The following CLYBL variants were observed in gnomAD, a reference collection of about 807,000 sequenced individuals.
The protein encoded by CLYBL is citramalyl-CoA lyase, mitochondrial.
Under a neutral mutation model 38.9 loss-of-function variants are expected in CLYBL, and 31 were observed. That is an observed-to-expected ratio of 0.80 (90% CI 0.60 to 1.08). CLYBL has a LOEUF of 1.08. Ranked by LOEUF, CLYBL falls within the 50% of genes least tolerant of loss-of-function variation. The probability of loss-of-function intolerance (pLI) is 0.00; values close to 1 mark genes in which losing one functional copy is unlikely to be tolerated. For missense variants in CLYBL, 434 were observed against 411.6 expected (o/e 1.05, Z -0.47); for synonymous variants, 171 against 158.6 (o/e 1.08, Z -0.59).
chr13:99,616,879 C>G (rs1449064430), intron 1 of CLYBL, among the ~76,000 whole-genome samples: 1 of 151,998 alleles, frequency 6.6e-6, no homozygotes, highest in Non-Finnish European at 1.5e-5. Context: ...TTGCTTGAAC[C>G]CAGGAGGTGG....
intron 1 of CLYBL, among the ~76,000 whole-genome samples, chr13:99,668,383 G>A (rs9585174): frequency 0.018 from 2,716 of 152,176 alleles, 76 homozygotes; most frequent in African/African-American, 0.061. Flanking sequence ...CCAGGAGTTC[G>A]AGACCAGCCT....
chr13:99,788,459 A>G (rs2049845389), intron 2 of CLYBL, among the ~76,000 whole-genome samples: 2 of 152,174 alleles, frequency 1.3e-5, no homozygotes, highest in African/African-American at 4.8e-5. Context: ...TGAGATAATC[A>G]TGTGGTTTTT....
intron 1 of CLYBL, among the ~76,000 whole-genome samples, chr13:99,760,651 A>T (rs1217065147): frequency 6.6e-6 from 1 of 152,214 alleles, no homozygotes; most frequent in Non-Finnish European, 1.5e-5. Flanking sequence ...AAAGTTTCTG[A>T]TGAAAAATCT....
intron 2 of CLYBL, among the ~76,000 whole-genome samples, chr13:99,845,824 T>C (rs2051191089): frequency 6.6e-6 from 1 of 152,210 alleles, no homozygotes; most frequent in Non-Finnish European, 1.5e-5. Context: ...AAAAATTAAG[T>C]GTCCTGCTGG....
intron 1 of CLYBL, among the ~76,000 whole-genome samples, chr13:99,608,368 C>T (rs376776879): frequency 2.6e-5 from 4 of 152,316 alleles, no homozygotes; most frequent in African/African-American, 9.6e-5. Context: ...CCACCGTGCC[C>T]GGCCTGGGTC....
At position 99,782,835 on chromosome 13, in the gene CLYBL, A is replaced by G. The variant is rs553913774; in HGVS notation, c.249+9825A>G. On this transcript the variant is annotated intron_variant, in intron 2 of 8. Coordinates refer to ENST00000339105, the MANE Select transcript of CLYBL (RefSeq NM_206808.5). Reference sequence around the variant, plus strand: ...CATATGGCCTCTGTTTCTCCTTTCTATTCTTTCCTTCAGAGATGCTGAGTA... The same window carrying G: ...CATATGGCCTCTGTTTCTCCTTTCTGTTCTTTCCTTCAGAGATGCTGAGTA... Among the ~76,000 whole-genome samples, 76 of 151,742 alleles carry G rather than the reference A, an allele frequency of 5.0e-4. 1 individual carries two copies. The highest frequency in any genetic ancestry group is 1.7e-3 in the African/African-American group (69 of 41,336).
chr13:99,700,374 G>T (rs2048046069), intron 1 of CLYBL, among the ~76,000 whole-genome samples: 1 of 152,156 alleles, frequency 6.6e-6, no homozygotes, highest in Non-Finnish European at 1.5e-5. Flanking sequence ...GAACCTGGAG[G>T]CGGAGGTTGC....
intron 2 of CLYBL, among the ~76,000 whole-genome samples, chr13:99,824,693 G>C (rs1395332657): frequency 1.3e-5 from 2 of 152,050 alleles, no homozygotes; most frequent in East Asian, 3.9e-4. Flanking sequence ...GCACAAGTTT[G>C]CACACAGAAT....
At chr13:99,705,396 C>A (rs1028635740) in intron 1 of CLYBL, among the ~76,000 whole-genome samples, 1 of 152,158 alleles carries the variant, frequency 6.6e-6, no homozygotes, top group Non-Finnish European at 1.5e-5. Context: ...TCCTGACCAA[C>A]ATGGTGAAAC....
chr13:99,889,608 T>C (rs769201148), intron 7 of CLYBL, among the ~76,000 whole-genome samples: 2 of 152,220 alleles, frequency 1.3e-5, no homozygotes, highest in African/African-American at 2.4e-5. Flanking sequence ...CAGGTGTTCA[T>C]GTGAGTAAGA....
chr13:99,748,312 A>G (rs960808927), intron 1 of CLYBL, among the ~76,000 whole-genome samples: 1 of 151,542 alleles, frequency 6.6e-6, no homozygotes, highest in Non-Finnish European at 1.5e-5. Context: ...CCTGAGAGGC[A>G]GAGGTTGCAG....
In CLYBL at chr13:99,872,698, T is replaced by C. The variant is rs570128989; in HGVS notation, c.927+1636T>C. On this transcript the variant is annotated intron_variant, in intron 7 of 8. Coordinates refer to ENST00000339105, the MANE Select transcript of CLYBL (RefSeq NM_206808.5). ...GACCCATCCCAGCTGGGTTTCACAT[T>C]GGGTAGCATCAAAGGAGGGCAGTTG... Among the ~76,000 whole-genome samples, 110 of 152,224 alleles carry C rather than the reference T, an allele frequency of 7.2e-4. 1 individual carries two copies. The highest frequency in any genetic ancestry group is 4.4e-3 in the South Asian group (21 of 4,816).
chr13:99,662,265 C>T (rs2047419655), intron 1 of CLYBL, among the ~76,000 whole-genome samples: 1 of 152,172 alleles, frequency 6.6e-6, no homozygotes, highest in Non-Finnish European at 1.5e-5. Flanking sequence ...TTTTGAGTAA[C>T]TTGAGTAGAT....
At chr13:99,897,940 C>CAA (rs10635703), downstream of CLYBL, among the ~76,000 whole-genome samples, 18 of 149,690 alleles carry the variant, frequency 1.2e-4, no homozygotes, top group African/African-American at 2.7e-4. Flanking sequence ...AATGCCGTCT[C>CAA]AAAAAAAAGA....
intron 1 of CLYBL, among the ~76,000 whole-genome samples, chr13:99,762,405 A>C (rs2049183488): frequency 6.6e-6 from 1 of 152,212 alleles, no homozygotes; most frequent in South Asian, 2.1e-4. Context: ...CTTTCCCAGC[A>C]CCACTGAAGA....
rs186722800 is a variant in CLYBL at position 99,888,719 on chromosome 13, A to T, written c.928-2599A>T. 2.4e-3 allele frequency among the ~76,000 whole-genome samples: 373 copies of T among 152,346 alleles called. 4 individuals carry two copies. Among genetic ancestry groups the T allele is most frequent in the African/African-American group, 8.5e-3 (355 of 41,582 alleles). On this transcript the variant is annotated intron_variant, in intron 7 of 8. Coordinates refer to ENST00000339105, the MANE Select transcript of CLYBL (RefSeq NM_206808.5). ...AGCCGAGGTAACACCACTGCACTCC[A>T]GCCTGAGCAACAGAGCGAGACTCAG...
intron 2 of CLYBL, among the ~76,000 whole-genome samples, chr13:99,825,580 G>A (rs1027736281): frequency 3.9e-5 from 6 of 152,152 alleles, no homozygotes; most frequent in Admixed American, 1.3e-4. Flanking sequence ...AATGTAATTA[G>A]TGGGGAAGGG....
chr13:99,629,844 C>G (rs769825990), intron 1 of CLYBL, among the ~76,000 whole-genome samples: 4 of 152,172 alleles, frequency 2.6e-5, no homozygotes, highest in Non-Finnish European at 5.9e-5. Context: ...AGTCTTCTTT[C>G]TTTACAGAGG....
chr13:99,687,547 T>C (rs939617624), intron 1 of CLYBL, among the ~76,000 whole-genome samples: 1 of 152,222 alleles, frequency 6.6e-6, no homozygotes, highest in Non-Finnish European at 1.5e-5. Flanking sequence ...TTGTGTGTTC[T>C]CTACAGGAAG....
Sources: gnomAD v4.1 joint callset for allele counts (sites outside exome capture counted in the v4.1 genomes callset) on GRCh38, gnomAD v4.1.1 for gene constraint, MANE v1.5 for transcripts, NCBI Gene and HGNC (gene_info 2026-07-23, HGNC 2026-07-21) for gene names.